The following DOP1B variants were observed in gnomAD, a reference collection of about 807,000 sequenced individuals.
The protein encoded by DOP1B is protein DOP1B.
A neutral mutation model predicts 233.5 loss-of-function variants in DOP1B; 174 were observed. That is an observed-to-expected ratio of 0.75 (90% CI 0.66 to 0.85). The LOEUF (loss-of-function observed/expected upper bound fraction) is 0.85, where lower values mean the gene tolerates loss of function less well. Ranked by LOEUF, DOP1B falls within the 40% of genes least tolerant of loss-of-function variation. The pLI is 0.00. For missense variants in DOP1B, 2,652 were observed against 2,846.6 expected (o/e 0.93, Z 1.56); for synonymous variants, 1,190 against 1,185.6 (o/e 1.00, Z -0.08).
At chr21:36,228,945 T>C (rs1386836734) in intron 13 of DOP1B, among the ~76,000 whole-genome samples, 1 of 152,146 alleles carries the variant, frequency 6.6e-6, no homozygotes, top group Non-Finnish European at 1.5e-5. Flanking sequence ...CACTCCAGCC[T>C]GAGTGAGAGC....
intron 1 of DOP1B, among the ~76,000 whole-genome samples, chr21:36,161,811 C>T (rs938435326): frequency 1.6e-4 from 25 of 152,224 alleles, no homozygotes; most frequent in African/African-American, 5.3e-4. Context: ...CTTGCCTTCT[C>T]TCTAGATTTG....
chr21:36,169,521 C>T (rs1401509145), intron 2 of DOP1B: 9 of 1,116,610 alleles, frequency 8.1e-6, no homozygotes, highest in African/African-American at 4.6e-5. Context: ...TTGGTCACCC[C>T]GATGATGTCG....
In DOP1B at chr21:36,270,552, CAAAAAAAAAA is replaced by C. The variant is rs398040600; in HGVS notation, c.5632+412_5632+421del. On this transcript the variant is annotated intron_variant, in intron 27 of 36. Coordinates refer to ENST00000691173, the MANE Select transcript of DOP1B (RefSeq NM_001320714.2). ...CAGGCGACAAAGCAAGACTCCGTCT[CAAAAAAAAAA>C]AAAAAAAAAAAAAAAAGTATTTAGA... 9.0e-4 allele frequency among the ~76,000 whole-genome samples: 33 copies of C among 36,832 alleles called. 1 individual carries two copies. The highest frequency in any genetic ancestry group is 7.3e-3 in the Admixed American group (15 of 2,060). 24.2% of individuals were successfully genotyped at this position (36,832 alleles called of 152,430 possible).
intron 6 of DOP1B, 96 bp from the exon 7 acceptor site, chr21:36,211,872 TGAGATA>T (rs1050631809): frequency 1.2e-5 from 18 of 1,547,196 alleles, no homozygotes; most frequent in Admixed American, 1.7e-5. Context: ...CAGCCCATTT[TGAGATA>T]GAGCTTTGCA....
Position 36,281,584 on chromosome 21 carries a change from TACC to T in DOP1B, c.6137_6139del (p.His2046del), listed in dbSNP as rs1411939603. On this transcript the variant is annotated inframe_deletion, in exon 32 of 37. Transcript: ENST00000691173. ...TGTCTTCAGTGGAGAACTTGATCAA[TACC>T]ACCTTTACCTTCCACTGATACAAGG... 1 of 1,600,588 alleles carries T rather than the reference TACC, an allele frequency of 6.2e-7. No homozygotes were observed.
intron 11 of DOP1B, 45 bp from the exon 12 acceptor site, chr21:36,225,520 C>T (rs988663563): frequency 1.2e-6 from 2 of 1,607,822 alleles, no homozygotes; most frequent in Admixed American, 1.7e-5. Context: ...TGTGAGCCTC[C>T]ATGCCTGGCC....
chr21:36,197,209 G>A (rs982518648), intron 2 of DOP1B, among the ~76,000 whole-genome samples: 2 of 152,228 alleles, frequency 1.3e-5, no homozygotes, highest in East Asian at 1.9e-4. Flanking sequence ...CAGGATTATA[G>A]GTGTGAGCCA....
At chr21:36,253,676 C>T in intron 22 of DOP1B, 96 bp from the exon 23 acceptor site, 1 of 1,321,140 alleles carries the variant, frequency 7.6e-7, no homozygotes, top group Non-Finnish European at 1.0e-6. Context: ...ATTGATTTCT[C>T]CAGGGACGAC....
intron 24 of DOP1B, chr21:36,261,586 C>G (rs2067172397): frequency 2.0e-6 from 2 of 985,128 alleles, no homozygotes; most frequent in Non-Finnish European, 2.4e-6. Context: ...TGGCTGCATC[C>G]CAGGTGCAGC....
At position 36,204,694 on chromosome 21, in the gene DOP1B, G is replaced by A. The variant is rs953067136; in HGVS notation, c.492-4021G>A. On this transcript the variant is annotated intron_variant, in intron 4 of 36. Transcript: ENST00000691173. ...TTTTTTGAGACAGTCTCGCTCTGTC[G>A]CCCAGGCTGGAGTGCAGTGGCGCAA... 7.9e-5 allele frequency among the ~76,000 whole-genome samples: 10 copies of A among 125,892 alleles called. No individual in the cohort carries two copies. In the East Asian group the frequency reaches 1.4e-3, roughly 17 times the overall value. The allele number at this position is 125,892 out of a possible 152,430, so 82.6% of individuals were successfully genotyped here.
At chr21:36,287,871 C>G in intron 32 of DOP1B, 143 bp from the exon 33 acceptor site, 1 of 1,052,730 alleles carries the variant, frequency 9.5e-7, no homozygotes, top group Non-Finnish European at 1.3e-6. Context: ...AAGTGCGAGC[C>G]ACCAAGCCTG....
intron 2 of DOP1B, among the ~76,000 whole-genome samples, chr21:36,177,255 C>G (rs1003523990): frequency 3.1e-4 from 47 of 152,192 alleles, no homozygotes; most frequent in African/African-American, 1.1e-3. Flanking sequence ...TGTTCAAGAG[C>G]ACTGCTACCC....
At chr21:36,219,043 C>G (rs2066594270) in intron 9 of DOP1B, among the ~76,000 whole-genome samples, 1 of 152,180 alleles carries the variant, frequency 6.6e-6, no homozygotes, top group African/African-American at 2.4e-5. Flanking sequence ...TACTTAACCT[C>G]TCTGTGCTTC....
chr21:36,223,549 G>T (rs1440719390), intron 11 of DOP1B, among the ~76,000 whole-genome samples, 199 bp downstream of exon 11: 1 of 152,118 alleles, frequency 6.6e-6, no homozygotes, highest in African/African-American at 2.4e-5. Context: ...CAATAAGAAG[G>T]TTCACATAAT....
At chr21:36,284,482 G>A (rs951616846) in intron 32 of DOP1B, among the ~76,000 whole-genome samples, 2 of 150,292 alleles carry the variant, frequency 1.3e-5, no homozygotes, top group African/African-American at 4.9e-5. Flanking sequence ...TGTTGGTCAT[G>A]CTGGTCTCAA....
chr21:36,290,217 CTT>C (rs1241177294), intron 35 of DOP1B, among the ~76,000 whole-genome samples: 1 of 152,210 alleles, frequency 6.6e-6, no homozygotes, highest in Admixed American at 6.6e-5. Context: ...AAAAGAAAGT[CTT>C]TTAGTTTTTA....
At chr21:36,212,823 C>T (rs1422838388) in intron 7 of DOP1B, among the ~76,000 whole-genome samples, 1 of 152,216 alleles carries the variant, frequency 6.6e-6, no homozygotes, top group African/African-American at 2.4e-5. Flanking sequence ...ACTCCGTCGC[C>T]CAGACTGGAG....
intron 35 of DOP1B, among the ~76,000 whole-genome samples, chr21:36,289,423 T>TGG (rs2067530026): frequency 9.3e-6 from 1 of 107,286 alleles, no homozygotes; most frequent in Non-Finnish European, 2.0e-5. Flanking sequence ...TGTGTTTCTA[T>TGG]GGTGTGTGTG....
At chr21:36,219,884 C>T (rs953621994) in intron 10 of DOP1B, among the ~76,000 whole-genome samples, 3 of 150,274 alleles carry the variant, frequency 2.0e-5, no homozygotes, top group Admixed American at 6.7e-5. Context: ...GAGGGGAGGG[C>T]ACCTGGCAAG....
Sources: allele counts gnomAD v4.1 joint callset (sites outside exome capture counted in the v4.1 genomes callset), GRCh38; gene constraint gnomAD v4.1.1; transcripts MANE v1.5; gene names NCBI Gene and HGNC (gene_info 2026-07-23, HGNC 2026-07-21).